The following ABCA3 variants were observed in gnomAD, a reference collection of about 807,000 sequenced individuals.
ABCA3 encodes the protein phospholipid-transporting ATPase ABCA3.
ABCA3 carries 88 observed loss-of-function variants against 172.8 expected under a neutral mutation model. That is an observed-to-expected ratio of 0.51 (90% confidence interval 0.43 to 0.61). The LOEUF is 0.61. Ranked by LOEUF, ABCA3 falls within the 20% of genes least tolerant of loss-of-function variation. The pLI, the probability that ABCA3 is intolerant of heterozygous loss-of-function variation, is 0.00. For missense variants in ABCA3, 2,164 were observed against 2,301.0 expected, an observed-to-expected ratio of 0.94 and a Z score of 1.22; for synonymous variants, 1,066 against 983.8, an observed-to-expected ratio of 1.08 and a Z score of -1.56.
intron 18 of ABCA3, 75 bp from the exon 19 acceptor site, chr16:2,292,313 C>A (rs45605731): frequency 1.2e-5 from 16 of 1,333,882 alleles, no homozygotes; most frequent in South Asian, 7.2e-5. Context: ...GCATCACCCC[C>A]CCTCGGCCAG....
Position 2,297,588 on chromosome 16 carries a change from G to A in ABCA3, c.2053-49C>T, listed in dbSNP as rs761599517. 3 of 1,605,260 alleles carry A rather than the reference G, an allele frequency of 1.9e-6. No individual in the cohort carries two copies. On this transcript the variant is annotated intron_variant, in intron 16 of 32. Transcript: ENST00000301732. This position sits in a 1 kb window ranked among gnomAD's most constrained non-coding sequence, Gnocchi z 5.6. Reference sequence around the variant, plus strand: ...CGACGCTGGTAGAGCCACACCCCGGGCCCAGGCTGGCCTTGCGGTAGGCCC... The same window carrying A: ...CGACGCTGGTAGAGCCACACCCCGGACCCAGGCTGGCCTTGCGGTAGGCCC...
At chr16:2,296,169 G>A (rs1443252521) in intron 17 of ABCA3, among the ~76,000 whole-genome samples, 18 of 152,158 alleles carry the variant, frequency 1.2e-4, no homozygotes, top group Admixed American at 6.5e-4. Context: ...CGCACTGCAC[G>A]GCACTATCAG....
In ABCA3 at chr16:2,281,118, G is replaced by A. The variant is rs764069673; in HGVS notation, c.4268C>T (p.Thr1423Ile). Residue 1423 changes from threonine to isoleucine, a missense_variant, in exon 28 of 33, where the codon ACC becomes ATC. Coordinates refer to ENST00000301732, the MANE Select transcript of ABCA3 (RefSeq NM_001089.3). The surrounding 1 kb of genome is among the most constrained non-coding windows in gnomAD (Gnocchi z 4.7). ...CCCGGTCAGCATTTTGAAAGTCGTGGTCTTCCCGGCTCCATTGAAGCCCAG... is the reference window on the plus strand; with the variant it reads ...CCCGGTCAGCATTTTGAAAGTCGTGATCTTCCCGGCTCCATTGAAGCCCAG... ...GLLGFNGAGKTTTFKMLTGEE... is the reference protein window; with the variant it reads ...GLLGFNGAGKITTFKMLTGEE... 3 of 1,613,816 alleles carry A rather than the reference G, an allele frequency of 1.9e-6. No homozygotes were observed. The highest frequency in any genetic ancestry group is 2.5e-6 in the Non-Finnish European group (3 of 1,180,032).
chr16:2,309,332 C>T (rs1173276147), intron 10 of ABCA3, among the ~76,000 whole-genome samples: 1 of 152,210 alleles, frequency 6.6e-6, no homozygotes, highest in Non-Finnish European at 1.5e-5. Flanking sequence ...AGCACCTACT[C>T]TGTTCTAAGC....
chr16:2,304,472 C>T (rs949370798), intron 11 of ABCA3, among the ~76,000 whole-genome samples: 10 of 149,216 alleles, frequency 6.7e-5, no homozygotes, highest in Non-Finnish European at 1.3e-4. Flanking sequence ...GTAAGGCCAA[C>T]GTGGGTCAAT....
chr16:2,278,035 C>T lies in ABCA3; in HGVS notation c.4753G>A (p.Ala1585Thr), dbSNP rs1476278427. 10 of 1,613,414 alleles carry T rather than the reference C, an allele frequency of 6.2e-6. No homozygotes were observed. Among genetic ancestry groups the T allele is most frequent in the Non-Finnish European group, 7.6e-6 (9 of 1,180,022 alleles). ...EECEALCTRL[A>T]IMVQGQFKCL... The stretch of plus-strand genomic sequence containing the variant: ...TTGAACTGCCCCTGCACCATGATGG[C>T]CAGCCGGGTGCACAGGGCCTCACAC... The change falls in exon 31 of 33, where the codon GCC becomes ACC. Residue 1585 changes from alanine (A) to threonine (T), a missense_variant. Physicochemically the swap from Ala to Thr is moderately conservative, Grantham distance 58. This residue lies in a region of ABCA3 where 795 missense variants were observed against 881.9 expected (regional missense o/e 0.90). Coordinates refer to ENST00000301732, the MANE Select transcript of ABCA3 (RefSeq NM_001089.3). The surrounding 1 kb of genome is among the most constrained non-coding windows in gnomAD (Gnocchi z 4.4).
chr16:2,340,343 T>G (rs939113581), intron 1 of ABCA3, among the ~76,000 whole-genome samples: 76 of 151,726 alleles, frequency 5.0e-4, no homozygotes, highest in Non-Finnish European at 5.6e-4. Flanking sequence ...GAGCCGACGC[T>G]GAGGGAGCGG....
In ABCA3 at chr16:2,303,979, A is replaced by T. The variant is rs771905934; in HGVS notation, c.1457T>A (p.Phe486Tyr). 8.9e-5 allele frequency: 144 copies of T among 1,613,904 alleles called. No homozygotes were observed. The highest frequency in any genetic ancestry group is 1.2e-4 in the Admixed American group (7 of 59,976). Residue 486 changes from phenylalanine to tyrosine, a missense_variant, in exon 12 of 33, where the codon TTC becomes TAC. Phe to Tyr is a conservative substitution (Grantham distance 22, BLOSUM62 3). Transcript: ENST00000301732. ...GGCATCAGAACTCACCATGATGAAGAAGTACCAGGGCTGAGGCACGCCGAA... is the reference window on the plus strand; with the variant it reads ...GGCATCAGAACTCACCATGATGAAGTAGTACCAGGGCTGAGGCACGCCGAA... Reference protein sequence around the residue: ...GQFGVPQPWYFFIMPSYWCGK... With the variant: ...GQFGVPQPWYYFIMPSYWCGK...
chr16:2,308,303 C>T (rs1390952689), intron 11 of ABCA3, 147 bp downstream of exon 11: 23 of 964,030 alleles, frequency 2.4e-5, no homozygotes, highest in African/African-American at 1.5e-4. Flanking sequence ...CCACACTCAG[C>T]GCTGTATGCG....
Position 2,283,800 on chromosome 16 carries a change from G to A in ABCA3, c.3863-442C>T. The stretch of plus-strand genomic sequence containing the variant: ...AATATGTGATTAGTAAGGATCTTAA[G>A]GTGAGACACTGGATTAGTGTGGGCC... On this transcript the variant is annotated intron_variant, in intron 25 of 32. Transcript: ENST00000301732. The surrounding 1 kb of genome is among the most constrained non-coding windows in gnomAD (Gnocchi z 5.4). 4.0e-6 allele frequency: 1 copy of A among 248,136 alleles called. No homozygotes were observed. Among genetic ancestry groups the A allele is most frequent in the South Asian group, 5.8e-5 (1 of 17,218 alleles). The allele number at this position is 248,136 out of a possible 1,614,324, so 15.4% of individuals were successfully genotyped here.
At chr16:2,299,574 C>T (rs765130573) in intron 13 of ABCA3, 42 bp from the exon 14 acceptor site, 12 of 1,608,952 alleles carry the variant, frequency 7.5e-6, no homozygotes, top group African/African-American at 2.7e-5. Context: ...CCCACAGCCC[C>T]GAGGCCCACG....
intron 18 of ABCA3, among the ~76,000 whole-genome samples, chr16:2,293,050 T>TG (rs2093674550): frequency 6.6e-6 from 1 of 151,484 alleles, no homozygotes; most frequent in Admixed American, 6.6e-5. Flanking sequence ...TTGAAATACC[T>TG]TTTTTTTTCT....
intron 11 of ABCA3, among the ~76,000 whole-genome samples, chr16:2,305,268 G>A (rs1478794554): frequency 1.3e-5 from 2 of 152,050 alleles, no homozygotes; most frequent in Non-Finnish European, 2.9e-5. Context: ...GGAGTAGCTG[G>A]GATTACGGGA....
intron 1 of ABCA3, among the ~76,000 whole-genome samples, chr16:2,337,375 CTTT>C (rs35818080): frequency 1.4e-5 from 2 of 142,332 alleles, no homozygotes; most frequent in Non-Finnish European, 3.1e-5. Flanking sequence ...AGTCTGAGGC[CTTT>C]TTTTTTTTTT....
At chr16:2,339,278 A>C (rs1302818386) in intron 1 of ABCA3, 1 of 152,174 alleles carries the variant, frequency 6.6e-6, no homozygotes, top group African/African-American at 2.4e-5. Context: ...ATCTTTTTAG[A>C]AACAACTCGT....
chr16:2,297,277 C>G lies in ABCA3; in HGVS notation c.2263+52G>C. 1.3e-6 allele frequency: 2 copies of G among 1,589,904 alleles called. No individual in the cohort carries two copies. Among genetic ancestry groups the G allele is most frequent in the Middle Eastern group, 2.3e-4 (1 of 4,436 alleles). ...TTCATGAAGGTAGCAGCCATTCCCT[C>G]AGCACGGCAGCCAGGACACCGACCC... On this transcript the variant is annotated intron_variant, in intron 17 of 32. Transcript: ENST00000301732. This position sits in a 1 kb window ranked among gnomAD's most constrained non-coding sequence, Gnocchi z 5.6.
chr16:2,316,490 CAAA>C (rs71148128), intron 10 of ABCA3, among the ~76,000 whole-genome samples: 248 of 28,670 alleles, frequency 8.7e-3, no homozygotes, highest in Non-Finnish European at 0.016. Flanking sequence ...ACTAAAAATG[CAAA>C]AAAAAAAAAA....
intron 1 of ABCA3, among the ~76,000 whole-genome samples, chr16:2,330,281 C>T (rs1483799068): frequency 1.4e-5 from 2 of 140,520 alleles, no homozygotes; most frequent in Non-Finnish European, 3.0e-5. Flanking sequence ...CCGAGATGAC[C>T]CTGTCTCAAA....
chr16:2,291,965 C>T lies in ABCA3; in HGVS notation c.2513+175G>A, dbSNP rs368226430. On this transcript the variant is annotated intron_variant, in intron 19 of 32. Transcript: ENST00000301732. Reference sequence around the variant, plus strand: ...GCACATGCCTGTAATCCCAGCTACTCGGGAGGCTGAGGCAGGAGAATCTCT... The same window carrying T: ...GCACATGCCTGTAATCCCAGCTACTTGGGAGGCTGAGGCAGGAGAATCTCT... 3.2e-4 allele frequency among the ~76,000 whole-genome samples: 48 copies of T among 152,030 alleles called. No homozygotes were observed. The East Asian group carries it at 8.1e-3, about 26-fold the overall frequency.
Sources: allele counts gnomAD v4.1 joint callset (sites outside exome capture counted in the v4.1 genomes callset), GRCh38; gene constraint gnomAD v4.1.1; regional missense constraint gnomAD v4.1.1; non-coding constraint Gnocchi (gnomAD v3.1); transcripts MANE v1.5; gene names NCBI Gene and HGNC (gene_info 2026-07-23, HGNC 2026-07-21).